The following PRMT8 variants were observed in gnomAD, a reference collection of about 807,000 sequenced individuals.
The protein encoded by PRMT8 is protein arginine methyltransferase 8.
Under a neutral mutation model 47.1 loss-of-function variants are expected in PRMT8, and 7 were observed. The observed-to-expected ratio is 0.15, with a 90% CI of 0.08 to 0.28. PRMT8 has a LOEUF of 0.28. Among genes scored for constraint, PRMT8 ranks in the 10% least tolerant of loss-of-function variants. The pLI, the probability that PRMT8 is intolerant of heterozygous loss-of-function variation, is 1.00. For synonymous variants in PRMT8, 188 were observed against 186.5 expected, an observed-to-expected ratio of 1.01 and a Z score of -0.07; for missense variants, 237 against 505.4, an observed-to-expected ratio of 0.47 and a Z score of 5.09.
intron 1 of PRMT8, among the ~76,000 whole-genome samples, chr12:3,459,298 A>ACCTCCCCAGTCTTCCCT (rs1865011027): frequency 1.3e-5 from 2 of 151,346 alleles, no homozygotes; most frequent in African/African-American, 4.9e-5. Context: ...CCCCCTTCCC[A>ACCTCCCCAGTCTTCCCT]CCTCCCCAGT....
chr12:3,524,710 T>C (rs2137145818), intron 1 of PRMT8, among the ~76,000 whole-genome samples: 1 of 144,778 alleles, frequency 6.9e-6, no homozygotes, highest in African/African-American at 2.6e-5. Context: ...TTTGGGAAAA[T>C]TGTGACCCCA....
chr12:3,491,616 G>T lies in PRMT8; in HGVS notation c.-10G>T. 6.2e-7 allele frequency: 1 copy of T among 1,611,708 alleles called. No individual in the cohort carries two copies. Reference sequence around the variant, plus strand: ...ACTATCTCGGTATCACCAAACCCTTGCCGGCTCTTATGGGCATGAAACACT... The same window carrying T: ...ACTATCTCGGTATCACCAAACCCTTTCCGGCTCTTATGGGCATGAAACACT... On this transcript the variant is annotated 5_prime_UTR_variant, in exon 1 of 10. Transcript: ENST00000382622.
chr12:3,447,787 T>C (rs553837598), intron 1 of PRMT8, among the ~76,000 whole-genome samples: 4 of 152,322 alleles, frequency 2.6e-5, no homozygotes, highest in South Asian at 2.1e-4. Context: ...AAGGCTTAAA[T>C]TGGTGTTCAC....
At chr12:3,447,689 C>G (rs945161376) in intron 1 of PRMT8, among the ~76,000 whole-genome samples, 3 of 151,150 alleles carry the variant, frequency 2.0e-5, no homozygotes, top group African/African-American at 7.3e-5. Flanking sequence ...GTCTCTCTCT[C>G]CTTCTAGACA....
chr12:3,482,308 C>T (rs2109194), intron 1 of PRMT8, among the ~76,000 whole-genome samples: 26,727 of 152,154 alleles, frequency 0.18, 2,929 homozygotes, highest in Non-Finnish European at 0.24. Context: ...GGCATATATG[C>T]AAAGTTGTTC....
intron 1 of PRMT8, among the ~76,000 whole-genome samples, chr12:3,437,774 G>A (rs914587391): frequency 2.0e-5 from 3 of 152,000 alleles, no homozygotes; most frequent in Non-Finnish European, 4.4e-5. Flanking sequence ...GTTCTCTAAG[G>A]TCGTCTAGCC....
Position 3,576,851 on chromosome 12 carries a change from G to A in PRMT8, c.713-20G>A, listed in dbSNP as rs753973982. 8.1e-6 allele frequency: 13 copies of A among 1,607,962 alleles called. No homozygotes were observed. The highest frequency in any genetic ancestry group is 4.0e-5 in the African/African-American group (3 of 74,898). ...CTGGGGGTCCTGCGCCTGCCTTCAC[G>A]TCTTGCTCTGCTCCCACAGGGTGGG... On this transcript the variant is annotated intron_variant, in intron 6 of 9. Transcript: ENST00000382622. The surrounding 1 kb of genome is among the most constrained non-coding windows in gnomAD (Gnocchi z 4.0).
intron 1 of PRMT8, among the ~76,000 whole-genome samples, chr12:3,475,751 G>T: frequency 6.6e-6 from 1 of 152,288 alleles, no homozygotes; most frequent in East Asian, 1.9e-4. Flanking sequence ...GGGTGTGGAG[G>T]GGGAGGGTTG....
At chr12:3,551,813 G>A (rs878771) in intron 3 of PRMT8, 41,697 of 152,384 alleles carry the variant, frequency 0.27, 5,932 homozygotes, top group Middle Eastern at 0.41. Context: ...GAGAGAGAGG[G>A]AGGGAGGAAG....
intron 8 of PRMT8, among the ~76,000 whole-genome samples, chr12:3,585,345 C>CCTT (rs1867147729): frequency 2.2e-5 from 1 of 45,774 alleles, no homozygotes; most frequent in African/African-American, 9.1e-5. Flanking sequence ...GAAAATGATG[C>CCTT]TTTTTTTTTT....
At position 3,572,257 on chromosome 12, in the gene PRMT8, G is replaced by A. The variant is rs529126412; in HGVS notation, c.712+2693G>A. ...TAATTTTAACGAAGGAAGGAAGGAA[G>A]GAAGGAAAGTGAACCAGCAGAGGGA... On this transcript the variant is annotated intron_variant, in intron 6 of 9. Coordinates refer to ENST00000382622, the MANE Select transcript of PRMT8 (RefSeq NM_019854.5). This position sits in a 1 kb window ranked among gnomAD's most constrained non-coding sequence, Gnocchi z 5.9. Among the ~76,000 whole-genome samples the A allele has an allele frequency of 6.6e-6, 1 of 152,288 alleles. No individual in the cohort carries two copies. The highest frequency in any genetic ancestry group is 2.1e-4 in the South Asian group (1 of 4,830).
upstream of PRMT8, among the ~76,000 whole-genome samples, chr12:3,488,004 G>A (rs1426392100): frequency 6.6e-6 from 1 of 152,178 alleles, no homozygotes; most frequent in African/African-American, 2.4e-5. Flanking sequence ...CCAAGGTTGA[G>A]AACCACTGTC....
chr12:3,546,904 A>G lies in PRMT8; in HGVS notation c.262-3032A>G, dbSNP rs1426795677. ...CATAATTATGAATATGCAACAAAATATTAGCAAAAAACACCCAGCAATATT... is the reference window on the plus strand; with the variant it reads ...CATAATTATGAATATGCAACAAAATGTTAGCAAAAAACACCCAGCAATATT... On this transcript the variant is annotated intron_variant, in intron 2 of 9. Coordinates refer to ENST00000382622, the MANE Select transcript of PRMT8 (RefSeq NM_019854.5). Among the ~76,000 whole-genome samples, 10 of 152,234 alleles carry G rather than the reference A, an allele frequency of 6.6e-5. No homozygotes were observed. In the South Asian group the frequency reaches 2.1e-3, roughly 32 times the overall value.
chr12:3,441,851 C>T (rs1018883853), intron 1 of PRMT8, among the ~76,000 whole-genome samples: 1 of 152,162 alleles, frequency 6.6e-6, no homozygotes, highest in Non-Finnish European at 1.5e-5. Flanking sequence ...TTGAAAAGTA[C>T]AATTCTCTAA....
chr12:3,568,989 A>G, intron 5 of PRMT8, 141 bp downstream of exon 5: 1 of 1,171,908 alleles, frequency 8.5e-7, no homozygotes, highest in Non-Finnish European at 1.2e-6. Flanking sequence ...CTCTCTCTAG[A>G]GCAGATCTGT....
intron 1 of PRMT8, among the ~76,000 whole-genome samples, chr12:3,455,199 C>A (rs1864961307): frequency 6.6e-6 from 1 of 152,164 alleles, no homozygotes; most frequent in Non-Finnish European, 1.5e-5. Flanking sequence ...GTGGGCATAA[C>A]TGGTCTGTTA....
intron 2 of PRMT8, among the ~76,000 whole-genome samples, chr12:3,541,144 C>G (rs1866222591): frequency 1.3e-5 from 2 of 152,194 alleles, no homozygotes; most frequent in African/African-American, 4.8e-5. Context: ...ACCAGGAGCT[C>G]AAATGCTGCA....
chr12:3,387,041 A>C (rs920162052), intron 1 of PRMT8, among the ~76,000 whole-genome samples: 20 of 152,152 alleles, frequency 1.3e-4, no homozygotes, highest in African/African-American at 4.6e-4. Flanking sequence ...TTCCTCCAAT[A>C]GGCTATGAGC....
chr12:3,511,304 T>C (rs144277006), intron 1 of PRMT8, among the ~76,000 whole-genome samples: 66 of 152,262 alleles, frequency 4.3e-4, no homozygotes, highest in Non-Finnish European at 7.1e-4. Flanking sequence ...GAGATGTTTT[T>C]CCCTTAGGCA....
Sources: gnomAD v4.1 joint callset for allele counts (sites outside exome capture counted in the v4.1 genomes callset) on GRCh38, gnomAD v4.1.1 for gene constraint, Gnocchi (gnomAD v3.1) non-coding constraint, MANE v1.5 for transcripts, NCBI Gene and HGNC (gene_info 2026-07-23, HGNC 2026-07-21) for gene names.